LRP1B: variants seen among roughly 807,000 people sequenced by gnomAD.
The protein encoded by LRP1B is low-density lipoprotein receptor-related protein 1B.
A neutral mutation model predicts 556.6 loss-of-function variants in LRP1B; 217 were observed. That is an observed-to-expected ratio of 0.39 (90% confidence interval 0.35 to 0.44). The LOEUF (loss-of-function observed/expected upper bound fraction) is 0.44. Among genes scored for constraint, LRP1B ranks in the 20% least tolerant of loss-of-function variants. LRP1B has a pLI of 1.00. For synonymous variants in LRP1B, 2,047 were observed against 1,865.8 expected (o/e 1.10, Z -2.50); for missense variants, 5,053 against 5,620.8 (o/e 0.90, Z 3.23).
At chr2:140,847,179 CT>C (rs879943838) in intron 29 of LRP1B, among the ~76,000 whole-genome samples, 4 of 152,170 alleles carry the variant, frequency 2.6e-5, no homozygotes, top group Non-Finnish European at 4.4e-5. Context: ...ACTAATCTGT[CT>C]CTCAGAGTTC....
chr2:141,771,300 C>A (rs906641), intron 2 of LRP1B, among the ~76,000 whole-genome samples: 14,502 of 152,080 alleles, frequency 0.095, 971 homozygotes, highest in African/African-American at 0.18. Flanking sequence ...AGGCAGGTAC[C>A]TAACTGCCCC....
At chr2:141,377,499 TAATTTCCTCCCC>T (rs1283639413) in intron 3 of LRP1B, among the ~76,000 whole-genome samples, 1 of 152,112 alleles carries the variant, frequency 6.6e-6, no homozygotes, top group African/African-American at 2.4e-5. Flanking sequence ...TTGAAAAGTG[TAATTTCCTCCCC>T]AATTTTTTAG....
At chr2:141,943,078 T>C (rs1700859780) in intron 1 of LRP1B, among the ~76,000 whole-genome samples, 1 of 152,230 alleles carries the variant, frequency 6.6e-6, no homozygotes, top group Non-Finnish European at 1.5e-5. Flanking sequence ...AGGCATTAGA[T>C]TTTAAAAGGA....
intron 9 of LRP1B, among the ~76,000 whole-genome samples, chr2:141,057,004 G>C (rs1300740780): frequency 6.6e-6 from 1 of 151,710 alleles, no homozygotes; most frequent in Non-Finnish European, 1.5e-5. Flanking sequence ...CACCTCTAAT[G>C]TATCAGAAAA....
intron 58 of LRP1B, 84 bp from the exon 59 acceptor site, chr2:140,485,608 A>G (rs540199259): frequency 2.2e-6 from 2 of 906,656 alleles, no homozygotes; most frequent in Admixed American, 2.9e-5. Flanking sequence ...TTACAGAGAT[A>G]TAGAATTCCA....
At chr2:141,593,949 C>T (rs1430140189) in intron 2 of LRP1B, among the ~76,000 whole-genome samples, 1 of 152,100 alleles carries the variant, frequency 6.6e-6, no homozygotes, top group Non-Finnish European at 1.5e-5. Flanking sequence ...ATTGAGAACT[C>T]ATCTTCCTGC....
chr2:141,667,761 G>C (rs112495221), intron 2 of LRP1B, among the ~76,000 whole-genome samples: 5 of 152,168 alleles, frequency 3.3e-5, no homozygotes, highest in African/African-American at 1.2e-4. Context: ...TTTTGCTCTA[G>C]AGTCTAAGCT....
At chr2:141,145,922 C>CTT (rs70991144) in intron 7 of LRP1B, among the ~76,000 whole-genome samples, 14 of 67,200 alleles carry the variant, frequency 2.1e-4, no homozygotes, top group African/African-American at 6.9e-4. Context: ...TTCTTTCTTT[C>CTT]TTTTTTTTTT....
chr2:141,550,139 T>C (rs1301924047), intron 2 of LRP1B, among the ~76,000 whole-genome samples: 2 of 152,226 alleles, frequency 1.3e-5, no homozygotes, highest in African/African-American at 4.8e-5. Flanking sequence ...TCCCTGACTC[T>C]CAAATTCATG....
intron 23 of LRP1B, among the ~76,000 whole-genome samples, chr2:140,888,871 G>A (rs1693716110): frequency 6.7e-6 from 1 of 150,156 alleles, no homozygotes; most frequent in South Asian, 2.1e-4. Flanking sequence ...GCTGAGGCAG[G>A]AGAATCACTT....
intron 1 of LRP1B, among the ~76,000 whole-genome samples, chr2:141,958,943 C>T (rs1461847880): frequency 6.6e-6 from 1 of 151,784 alleles, no homozygotes; most frequent in African/African-American, 2.4e-5. Flanking sequence ...CTTCTTTATT[C>T]TTATTTCTTG....
chr2:140,437,169 A>G (rs921903954), intron 66 of LRP1B, among the ~76,000 whole-genome samples: 1 of 152,182 alleles, frequency 6.6e-6, no homozygotes, highest in African/African-American at 2.4e-5. Context: ...TCACAGTCAG[A>G]TTAGAGCACA....
At chr2:141,532,723 C>T (rs901056556) in intron 2 of LRP1B, among the ~76,000 whole-genome samples, 2 of 152,110 alleles carry the variant, frequency 1.3e-5, no homozygotes, top group African/African-American at 2.4e-5. Context: ...CAGTGGCTCA[C>T]ACCTGTAATC....
At chr2:141,125,884 T>C (rs1231795497) in intron 7 of LRP1B, among the ~76,000 whole-genome samples, 1 of 141,458 alleles carries the variant, frequency 7.1e-6, no homozygotes, top group East Asian at 2.0e-4. Context: ...ACTAAGCCTT[T>C]TAAAATTAAT....
chr2:141,662,373 G>T (rs1690253703), intron 2 of LRP1B, among the ~76,000 whole-genome samples: 1 of 152,104 alleles, frequency 6.6e-6, no homozygotes, highest in Non-Finnish European at 1.5e-5. Flanking sequence ...CCAATTAAAA[G>T]ACACAGAATG....
intron 2 of LRP1B, among the ~76,000 whole-genome samples, chr2:141,539,412 T>C (rs1444450610): frequency 1.3e-5 from 2 of 152,208 alleles, no homozygotes; most frequent in African/African-American, 2.4e-5. Context: ...TTTCTTGGTT[T>C]CTCAATCAAA....
intron 3 of LRP1B, among the ~76,000 whole-genome samples, chr2:141,315,252 A>ATTTTTTTTTTTTTTTT (rs34839276): frequency 1.3e-5 from 1 of 77,164 alleles, no homozygotes; most frequent in Non-Finnish European, 2.2e-5. Flanking sequence ...AATGATTGTA[A>ATTTTTTTTTTTTTTTT]TTTTTTTTTT....
chr2:140,403,885 A>G (rs1038519484), intron 66 of LRP1B, among the ~76,000 whole-genome samples: 3 of 152,174 alleles, frequency 2.0e-5, no homozygotes, highest in African/African-American at 4.8e-5. Flanking sequence ...TAAAAGCATC[A>G]GGTAGCATAA....
chr2:141,002,455 C>A (rs1697453747), intron 15 of LRP1B, among the ~76,000 whole-genome samples: 1 of 151,906 alleles, frequency 6.6e-6, no homozygotes, highest in African/African-American at 2.4e-5. Context: ...ATTCCAGGAT[C>A]CCTTATAAAT....
Sources: allele counts gnomAD v4.1 joint callset (sites outside exome capture counted in the v4.1 genomes callset), GRCh38; gene constraint gnomAD v4.1.1; transcripts MANE v1.5; gene names NCBI Gene and HGNC (gene_info 2026-07-23, HGNC 2026-07-21).